The following SAMTOR variants were observed in gnomAD, a reference collection of about 807,000 sequenced individuals.
The protein encoded by SAMTOR is UPF0532 protein C7orf60.
At chr7:112,936,321 G>C in the SAMTOR span, among the ~76,000 whole-genome samples, 4 of 152,172 alleles carry the variant, frequency 2.6e-5, no homozygotes, top group African/African-American at 9.7e-5. Flanking sequence ...CTTCAGATAC[G>C]AGTGCTGCCT....
the SAMTOR span, among the ~76,000 whole-genome samples, chr7:112,857,981 T>C: frequency 6.6e-5 from 10 of 152,108 alleles, no homozygotes; most frequent in African/African-American, 2.4e-4. Context: ...ACAATATGGC[T>C]GGGAAAGAGG....
At chr7:112,859,593 C>T in the SAMTOR span, among the ~76,000 whole-genome samples, 1 of 152,076 alleles carries the variant, frequency 6.6e-6, no homozygotes, top group South Asian at 2.1e-4. Flanking sequence ...TAATGACCTG[C>T]CAGTGGGACA....
the SAMTOR span, among the ~76,000 whole-genome samples, chr7:112,855,755 G>A: frequency 1.3e-5 from 2 of 152,090 alleles, no homozygotes; most frequent in Non-Finnish European, 2.9e-5. Flanking sequence ...ATTAGGTTAA[G>A]TTTACCCAGA....
At chr7:112,905,550 TA>T in the SAMTOR span, among the ~76,000 whole-genome samples, 2 of 152,126 alleles carry the variant, frequency 1.3e-5, no homozygotes, top group African/African-American at 4.8e-5. Flanking sequence ...AATATGAAAT[TA>T]AATTTTAACA....
the SAMTOR span, among the ~76,000 whole-genome samples, chr7:112,865,712 T>C: frequency 6.9e-6 from 1 of 145,416 alleles, no homozygotes; most frequent in Admixed American, 6.9e-5. Context: ...TATTCATATA[T>C]ATTTCATATA....
the SAMTOR span, among the ~76,000 whole-genome samples, chr7:112,919,646 T>A: frequency 6.6e-6 from 1 of 151,688 alleles, no homozygotes; most frequent in Non-Finnish European, 1.5e-5. Context: ...TTCAAAAAAT[T>A]AATGAATCCA....
the SAMTOR span, among the ~76,000 whole-genome samples, chr7:112,834,620 C>T: frequency 1.2e-4 from 19 of 152,160 alleles, no homozygotes; most frequent in Non-Finnish European, 2.4e-4. Context: ...GGACACGAAT[C>T]ACATCCATTT....
At chr7:112,823,529 T>C in the SAMTOR span, among the ~76,000 whole-genome samples, 2 of 152,324 alleles carry the variant, frequency 1.3e-5, no homozygotes, top group African/African-American at 2.4e-5. Flanking sequence ...TGGTATCCCA[T>C]TGTATCAAGG....
chr7:112,904,281 T>C, the SAMTOR span, among the ~76,000 whole-genome samples: 1 of 152,126 alleles, frequency 6.6e-6, no homozygotes, highest in Non-Finnish European at 1.5e-5. Flanking sequence ...AATTACCATA[T>C]ATGTGTATTA....
the SAMTOR span, among the ~76,000 whole-genome samples, chr7:112,866,578 A>T: frequency 6.6e-6 from 1 of 152,216 alleles, no homozygotes; most frequent in African/African-American, 2.4e-5. Flanking sequence ...GCCTGCGGCT[A>T]CACAGCAGTT....
chr7:112,857,539 G>GT, the SAMTOR span, among the ~76,000 whole-genome samples: 4 of 152,044 alleles, frequency 2.6e-5, no homozygotes. Flanking sequence ...ATACAAACAT[G>GT]TATCTAAAGT....
At chr7:112,870,372 C>T in the SAMTOR span, among the ~76,000 whole-genome samples, 1 of 152,194 alleles carries the variant, frequency 6.6e-6, no homozygotes, top group African/African-American at 2.4e-5. Context: ...TGGGCTCCCG[C>T]TCCCTGCCTT....
chr7:112,935,434 A>T, the SAMTOR span, among the ~76,000 whole-genome samples: 11 of 152,246 alleles, frequency 7.2e-5, no homozygotes, highest in East Asian at 1.7e-3. Context: ...CTTCCCCCAC[A>T]ATTCTCATTT....
the SAMTOR span, among the ~76,000 whole-genome samples, chr7:112,937,107 T>A: frequency 6.6e-6 from 1 of 152,204 alleles, no homozygotes; most frequent in Non-Finnish European, 1.5e-5. Context: ...GCTGACAATT[T>A]CCAGTTCCTA....
At chr7:112,835,952 G>A in the SAMTOR span, among the ~76,000 whole-genome samples, 2 of 152,112 alleles carry the variant, frequency 1.3e-5, no homozygotes, top group Admixed American at 6.6e-5. Flanking sequence ...ACGTATGTGT[G>A]CATGTGTCTT....
chr7:112,939,775 G>GCCC, the SAMTOR span: 2 of 1,539,658 alleles, frequency 1.3e-6, no homozygotes, highest in Non-Finnish European at 1.8e-6. Flanking sequence ...CGCCGCCGCC[G>GCCC]CCCCTCAGGC....
the SAMTOR span, among the ~76,000 whole-genome samples, chr7:112,881,576 G>A: frequency 6.6e-6 from 1 of 152,168 alleles, no homozygotes; most frequent in Non-Finnish European, 1.5e-5. Flanking sequence ...GACTCATTGG[G>A]ATGACATGCC....
At chr7:112,868,489 T>A in the SAMTOR span, among the ~76,000 whole-genome samples, 2 of 152,192 alleles carry the variant, frequency 1.3e-5, no homozygotes, top group African/African-American at 4.8e-5. Flanking sequence ...GTTATCTGTA[T>A]AACCCAGGCA....
chr7:112,829,944 A>G, the SAMTOR span, among the ~76,000 whole-genome samples: 1 of 152,112 alleles, frequency 6.6e-6, no homozygotes, highest in Non-Finnish European at 1.5e-5. Flanking sequence ...GTTTTCTCAT[A>G]TACATGTGTG....
Sources: gnomAD v4.1 joint callset for allele counts (sites outside exome capture counted in the v4.1 genomes callset) on GRCh38, gnomAD v4.1.1 for gene constraint, MANE v1.5 for transcripts, NCBI Gene and HGNC (gene_info 2026-07-23, HGNC 2026-07-21) for gene names.